Variants in SLC27A4 observed in about 807,000 individuals in gnomAD.
SLC27A4 encodes solute carrier family 27 member 4.
Under a neutral mutation model 64.4 loss-of-function variants are expected in SLC27A4, and 33 were observed. The observed-to-expected ratio is 0.51, with a 90% CI of 0.39 to 0.68. The LOEUF (loss-of-function observed/expected upper bound fraction) is 0.68. Ranked by LOEUF, SLC27A4 falls within the 30% of genes least tolerant of loss-of-function variation. The pLI, the probability that SLC27A4 is intolerant of heterozygous loss-of-function variation, is 0.00. For synonymous variants in SLC27A4, 377 were observed against 370.0 expected, an observed-to-expected ratio of 1.02 and a Z score of -0.22; for missense variants, 824 against 883.5, an observed-to-expected ratio of 0.93 and a Z score of 0.85.
rs185999764 is a variant in SLC27A4, at chr9:128,345,536, C to T, written c.543C>T (p.Ser181=). Reference sequence around the variant, plus strand: ...GCGCACGGGCCCTTGTCTTTGGCAGCGAAATGGCCTCAGGTGAGCCCCAAG... The same window carrying T: ...GCGCACGGGCCCTTGTCTTTGGCAGTGAAATGGCCTCAGGTGAGCCCCAAG... The part of the protein sequence containing the change: ...TSRARALVFG[S]EMASAICEVH... Residue 181 remains serine, a synonymous_variant, in exon 3 of 13, where the codon AGC becomes AGT. Coordinates refer to ENST00000300456, the MANE Select transcript of SLC27A4 (RefSeq NM_005094.4). This position sits in a 1 kb window ranked among gnomAD's most constrained non-coding sequence, Gnocchi z 4.1. 21 of 1,605,582 alleles carry T rather than the reference C, an allele frequency of 1.3e-5. No homozygotes were observed. The highest frequency in any genetic ancestry group is 1.7e-4 in the Middle Eastern group (1 of 5,978).
rs146913469 is a variant in SLC27A4, at chr9:128,348,617, C to T, written c.629C>T (p.Ala210Val). The part of the protein sequence containing the change: ...LFCSGSWEPG[A>V]VPPSTEHLDP... ...TGCTCTGGCTCCTGGGAGCCCGGTG[C>T]GGTGCCTCCAAGCACAGAACACCTG... is the stretch of plus-strand genomic sequence containing the variant. The change falls in exon 4 of 13, where the codon GCG (alanine) becomes GTG (valine). Residue 210 changes from alanine to valine, a missense_variant. By Grantham distance (64) the Ala-to-Val change is moderately conservative. Transcript: ENST00000300456. 3.4e-5 allele frequency: 55 copies of T among 1,613,628 alleles called. No individual in the cohort carries two copies. Among genetic ancestry groups the T allele is most frequent in the Non-Finnish European group, 4.2e-5 (49 of 1,180,010 alleles).
chr9:128,340,854 G>T lies in SLC27A4; in HGVS notation c.-7+16G>T. The T allele has an allele frequency of 3.0e-6, 2 of 660,876 alleles. No homozygotes were observed. The highest frequency in any genetic ancestry group is 2.8e-6 in the Non-Finnish European group (1 of 357,832). 40.9% of individuals were successfully genotyped at this position (660,876 alleles called of 1,614,324 possible). A position where few individuals can be genotyped will look rare whatever the true frequency, so the allele number is the denominator to read the frequency against. On this transcript the variant is annotated intron_variant, in intron 1 of 12. Coordinates refer to ENST00000300456, the MANE Select transcript of SLC27A4 (RefSeq NM_005094.4). ...CCGACGCCGGGTGAGCATAGACCGG[G>T]CTGGTGGGTTCCCGGGTGGGGACAT...
intron 2 of SLC27A4, among the ~76,000 whole-genome samples, chr9:128,343,569 G>A (rs1370864935): frequency 6.6e-6 from 1 of 152,224 alleles, no homozygotes; most frequent in African/African-American, 2.4e-5. Flanking sequence ...CACCAAGTGT[G>A]TTGAGACATC....
intron 6 of SLC27A4, among the ~76,000 whole-genome samples, chr9:128,352,055 C>T (rs1274889597): frequency 2.0e-5 from 3 of 151,600 alleles, no homozygotes; most frequent in South Asian, 4.2e-4. Context: ...ATTAGCCGGG[C>T]GTGGTGGCGG....
At position 128,355,499 on chromosome 9, in the gene SLC27A4, G is replaced by A; in HGVS notation, c.1564G>A (p.Glu522Lys). ...KGENVSTTEV[E>K]GTLSRLLDMA... ...TGAGAACGTGTCCACCACCGAGGTGGAAGGCACACTCAGCCGCCTGCTGGA... is the reference window on the plus strand; with the variant it reads ...TGAGAACGTGTCCACCACCGAGGTGAAAGGCACACTCAGCCGCCTGCTGGA... Residue 522 changes from glutamate (E) to lysine (K), a missense_variant, in exon 11 of 13, where the codon GAA becomes AAA. By Grantham distance (56) the Glu-to-Lys change is moderately conservative. Transcript: ENST00000300456. The A allele has an allele frequency of 6.2e-7, 1 of 1,613,416 alleles. No individual in the cohort carries two copies. The highest frequency in any genetic ancestry group is 8.5e-7 in the Non-Finnish European group (1 of 1,180,042).
intron 12 of SLC27A4, among the ~76,000 whole-genome samples, chr9:128,359,010 C>A (rs1221724874): frequency 6.6e-6 from 1 of 152,164 alleles, no homozygotes; most frequent in Non-Finnish European, 1.5e-5. Flanking sequence ...AGATTGAGGC[C>A]AATGGAGATT....
Position 128,343,279 on chromosome 9 carries a change from C to G in SLC27A4, c.147C>G (p.Ile49Met). The G allele has an allele frequency of 6.2e-7, 1 of 1,614,166 alleles. No homozygotes were observed. Among genetic ancestry groups the G allele is most frequent in the Non-Finnish European group, 8.5e-7 (1 of 1,180,030 alleles). The change falls in exon 2 of 13, where the codon ATC becomes ATG. Residue 49 changes from isoleucine (I) to methionine (M), a missense_variant. By Grantham distance (10) the Ile-to-Met change is conservative (BLOSUM62 1). Transcript: ENST00000300456. The stretch of plus-strand genomic sequence containing the variant: ...TCATCCGGGTCTTCATCAAGACCAT[C>G]AGGCGCGATATCTTGTGAGTACCTG... ...WRFIRVFIKT[I>M]RRDIFGGLVL...
Position 128,360,580 on chromosome 9 carries a change from G to A in SLC27A4, c.*89G>A. On this transcript the variant is annotated 3_prime_UTR_variant, in exon 13 of 13. Coordinates refer to ENST00000300456, the MANE Select transcript of SLC27A4 (RefSeq NM_005094.4). ...CGGTCCTGGACAAGGCCAGACCAAA[G>A]CAAGCAGGGCCTGGCACCTCCATCC... 1 of 1,427,634 alleles carries A rather than the reference G, an allele frequency of 7.0e-7. No homozygotes were observed. The highest frequency in any genetic ancestry group is 9.8e-7 in the Non-Finnish European group (1 of 1,025,622). 88.4% of individuals were successfully genotyped at this position (1,427,634 alleles called of 1,614,324 possible). A position where few individuals can be genotyped will look rare whatever the true frequency, so the allele number is the denominator to read the frequency against.
intron 1 of SLC27A4, chr9:128,342,187 C>G (rs1204882467): frequency 6.6e-7 from 1 of 1,515,148 alleles, no homozygotes; most frequent in East Asian, 2.3e-5. Flanking sequence ...GCAGACCAGA[C>G]TTCGCTCGTT....
Position 128,352,799 on chromosome 9 carries a change from C to T in SLC27A4, c.987+52C>T, listed in dbSNP as rs186164714. On this transcript the variant is annotated intron_variant, in intron 7 of 12. Coordinates refer to ENST00000300456, the MANE Select transcript of SLC27A4 (RefSeq NM_005094.4). ...GTCCCTTTCCCCTAGTTACCCTCTTCCCAACTACACTCCGGGGCATCTGTC... is the reference window on the plus strand; with the variant it reads ...GTCCCTTTCCCCTAGTTACCCTCTTTCCAACTACACTCCGGGGCATCTGTC... The T allele has an allele frequency of 3.7e-5, 50 of 1,367,100 alleles. No homozygotes were observed. In the East Asian group the frequency reaches 1.1e-3, roughly 29 times the overall value. 84.7% of individuals were successfully genotyped at this position (1,367,100 alleles called of 1,614,324 possible).
rs528354768 is a variant in SLC27A4 at position 128,343,936 on chromosome 9, G to C, written c.161+643G>C. 2.6e-5 allele frequency among the ~76,000 whole-genome samples: 4 copies of C among 152,322 alleles called. No homozygotes were observed. In the South Asian group the frequency reaches 8.3e-4, roughly 32 times the overall value. On this transcript the variant is annotated intron_variant, in intron 2 of 12. Transcript: ENST00000300456. ...GCAGTGCCATGTGGGCAGAGACCCT[G>C]GCACAGCCTTGCTCACTACTGTGTC... is the stretch of plus-strand genomic sequence containing the variant.
At chr9:128,358,018 CTCAGACCTTGTATT>C (rs1312687203) in intron 12 of SLC27A4, among the ~76,000 whole-genome samples, 16 of 152,240 alleles carry the variant, frequency 1.1e-4, no homozygotes, top group Admixed American at 8.5e-4. Context: ...CAGGGAGGCT[CTCAGACCTTGTATT>C]TCAGATGGGC....
chr9:128,358,211 A>G (rs186869133), intron 12 of SLC27A4, among the ~76,000 whole-genome samples: 5 of 152,324 alleles, frequency 3.3e-5, no homozygotes, highest in Non-Finnish European at 5.9e-5. Context: ...TAGCTGGGGC[A>G]AGAGGCAGTT....
chr9:128,355,020 A>G (rs1173578604), intron 9 of SLC27A4, 33 bp from the exon 10 acceptor site: 2 of 1,589,926 alleles, frequency 1.3e-6, no homozygotes, highest in East Asian at 2.3e-5. Flanking sequence ...GAGGCTGCCT[A>G]GGGCAGATCT....
intron 2 of SLC27A4, among the ~76,000 whole-genome samples, chr9:128,344,666 G>A (rs139050369): frequency 1.3e-5 from 2 of 152,232 alleles, no homozygotes; most frequent in Non-Finnish European, 2.9e-5. Context: ...AGGCTCACAG[G>A]GAGGAAGACT....
Position 128,360,653 on chromosome 9 carries a change from C to A in SLC27A4, c.*162C>A. On this transcript the variant is annotated 3_prime_UTR_variant, in exon 13 of 13. Coordinates refer to ENST00000300456, the MANE Select transcript of SLC27A4 (RefSeq NM_005094.4). ...AAACTGCCAAGTGACTCATTGCCTTCCCAACCCTTCCAGAGGCTTTCTGTG... is the reference window on the plus strand; with the variant it reads ...AAACTGCCAAGTGACTCATTGCCTTACCAACCCTTCCAGAGGCTTTCTGTG... 1.5e-6 allele frequency: 1 copy of A among 687,492 alleles called. No homozygotes were observed. The highest frequency in any genetic ancestry group is 1.8e-5 in the African/African-American group (1 of 55,914). 42.6% of individuals were successfully genotyped at this position (687,492 alleles called of 1,614,324 possible). A position where few individuals can be genotyped will look rare whatever the true frequency, so the allele number is the denominator to read the frequency against.
At position 128,353,164 on chromosome 9, in the gene SLC27A4, A is replaced by G. The variant is rs187433964; in HGVS notation, c.1127A>G (p.His376Arg). 56 of 1,614,150 alleles carry G rather than the reference A, an allele frequency of 3.5e-5. No individual in the cohort carries two copies. In the East Asian group the frequency reaches 1.1e-3, roughly 32 times the overall value. Residue 376 changes from histidine to arginine, a missense_variant, in exon 8 of 13, where the codon CAC becomes CGC. By Grantham distance (29) the His-to-Arg change is conservative. Transcript: ENST00000300456. This position sits in a 1 kb window ranked among gnomAD's most constrained non-coding sequence, Gnocchi z 4.9. The part of the protein sequence containing the change: ...SIWTNFSSRF[H>R]IPQVAEFYGA... ...TGGACCAACTTTTCCAGCCGCTTCC[A>G]CATACCCCAGGTGGCTGAGTTCTAC...
Position 128,350,222 on chromosome 9 carries a change from G to A in SLC27A4, c.716-90G>A. On this transcript the variant is annotated intron_variant, in intron 4 of 12. Transcript: ENST00000300456. Reference sequence around the variant, plus strand: ...CAAGGGTGTGATGGGAACAGGTGTTGAAGGGTGCACACCTGCAGGTGTCCA... The same window carrying A: ...CAAGGGTGTGATGGGAACAGGTGTTAAAGGGTGCACACCTGCAGGTGTCCA... 7 of 1,021,402 alleles carry A rather than the reference G, an allele frequency of 6.9e-6. No homozygotes were observed. In the South Asian group the frequency reaches 9.4e-5, roughly 14 times the overall value. 63.3% of individuals were successfully genotyped at this position (1,021,402 alleles called of 1,614,324 possible). A position where few individuals can be genotyped will look rare whatever the true frequency, so the allele number is the denominator to read the frequency against.
rs781649878 is a variant in SLC27A4, at chr9:128,360,541, G to T, written c.*50G>T. The T allele has an allele frequency of 1.9e-6, 3 of 1,607,310 alleles. No individual in the cohort carries two copies. Among genetic ancestry groups the T allele is most frequent in the East Asian group, 2.2e-5 (1 of 44,826 alleles). On this transcript the variant is annotated 3_prime_UTR_variant, in exon 13 of 13. Coordinates refer to ENST00000300456, the MANE Select transcript of SLC27A4 (RefSeq NM_005094.4). Reference sequence around the variant, plus strand: ...GCGGATGCTGGATCCGGAGCCCCAGGTTCCGCCCCAGAGCGGTCCTGGACA... The same window carrying T: ...GCGGATGCTGGATCCGGAGCCCCAGTTTCCGCCCCAGAGCGGTCCTGGACA...
Sources: gnomAD v4.1 joint callset for allele counts (sites outside exome capture counted in the v4.1 genomes callset) on GRCh38, gnomAD v4.1.1 for gene constraint, Gnocchi (gnomAD v3.1) non-coding constraint, MANE v1.5 for transcripts, NCBI Gene and HGNC (gene_info 2026-07-23, HGNC 2026-07-21) for gene names.